Variants in MBD2 observed in about 807,000 individuals in gnomAD.
The protein encoded by MBD2 is methyl-CpG binding domain protein 2.
MBD2 carries 9 observed loss-of-function variants against 39.3 expected under a neutral mutation model. The ratio of observed to expected loss-of-function variants is 0.23; its 90% CI spans 0.14 to 0.40. The LOEUF (loss-of-function observed/expected upper bound fraction) is 0.40, where lower values mean the gene tolerates loss of function less well. Among genes scored for constraint, MBD2 ranks in the 10% least tolerant of loss-of-function variants. MBD2 has a pLI of 1.00. For synonymous variants in MBD2, 233 were observed against 211.1 expected (o/e 1.10, Z -0.90); for missense variants, 458 against 532.6 (o/e 0.86, Z 1.38).
At chr18:54,205,448 G>A (rs1003434903) in intron 1 of MBD2, among the ~76,000 whole-genome samples, 16 of 151,910 alleles carry the variant, frequency 1.1e-4, no homozygotes, top group African/African-American at 3.4e-4. Flanking sequence ...AAAATTAGCC[G>A]GGCATGGTGG....
intron 2 of MBD2, among the ~76,000 whole-genome samples, 158 bp from the exon 3 acceptor site, chr18:54,189,169 A>G (rs1257017343): frequency 6.6e-6 from 1 of 152,104 alleles, no homozygotes; most frequent in Admixed American, 6.5e-5. Context: ...TAAGCACCTA[A>G]TAAGTGAAAC....
chr18:54,224,199 C>T lies in MBD2; in HGVS notation c.361G>A (p.Ala121Thr), dbSNP rs1446637242. The T allele has an allele frequency of 8.3e-7, 1 of 1,202,836 alleles. No individual in the cohort carries two copies. Among genetic ancestry groups the T allele is most frequent in the East Asian group, 3.4e-5 (1 of 29,528 alleles). 74.5% of individuals were successfully genotyped at this position (1,202,836 alleles called of 1,614,324 possible). The change falls in exon 1 of 7, where the codon GCC (alanine) becomes ACC (threonine). Residue 121 changes from alanine to threonine, a missense_variant. Around this residue, in one of 2 missense-constraint regions of MBD2, gnomAD observed 269 missense variants for 236.0 expected, o/e 1.14. Transcript: ENST00000256429. Reference sequence around the variant, plus strand: ...AAAGGGACCGGCTCCCGCCGGGGGGCGCCGCCGCCACCGCTGCCGCCGCCG... The same window carrying T: ...AAAGGGACCGGCTCCCGCCGGGGGGTGCCGCCGCCACCGCTGCCGCCGCCG... ...CGGGGSGGGGAPRREPVPFPS... is the reference protein window; with the variant it reads ...CGGGGSGGGGTPRREPVPFPS...
intron 3 of MBD2, among the ~76,000 whole-genome samples, chr18:54,171,909 CA>C (rs1175211284): frequency 3.9e-5 from 6 of 152,204 alleles, no homozygotes; most frequent in Non-Finnish European, 7.4e-5. Context: ...AAACTCAGGT[CA>C]GTGTGATTAA....
At chr18:54,186,196 C>G (rs2086285431) in intron 3 of MBD2, among the ~76,000 whole-genome samples, 1 of 152,076 alleles carries the variant, frequency 6.6e-6, no homozygotes, top group Non-Finnish European at 1.5e-5. Flanking sequence ...ATATCACTAT[C>G]TTGAACATCT....
intron 1 of MBD2, among the ~76,000 whole-genome samples, chr18:54,219,115 G>A (rs540276554): frequency 8.5e-5 from 13 of 152,272 alleles, no homozygotes; most frequent in African/African-American, 2.6e-4. Flanking sequence ...TTACACAGTC[G>A]ATGAAATTCA....
chr18:54,187,867 T>C, intron 3 of MBD2: 1 of 985,652 alleles, frequency 1.0e-6, no homozygotes, highest in Non-Finnish European at 1.2e-6. Context: ...ACAGAGGATG[T>C]GGGAACTGAA....
intron 3 of MBD2, among the ~76,000 whole-genome samples, chr18:54,184,158 T>C (rs2086268391): frequency 6.6e-6 from 1 of 151,918 alleles, no homozygotes; most frequent in Non-Finnish European, 1.5e-5. Flanking sequence ...CTAATAATAC[T>C]CAAAGCTATA....
At chr18:54,170,351 T>C (rs953095882) in intron 3 of MBD2, among the ~76,000 whole-genome samples, 4 of 152,246 alleles carry the variant, frequency 2.6e-5, no homozygotes, top group African/African-American at 9.6e-5. Context: ...ACTTGGACTT[T>C]GAGGGATTTG....
chr18:54,208,293 G>A (rs970800339), intron 1 of MBD2, among the ~76,000 whole-genome samples: 10 of 152,064 alleles, frequency 6.6e-5, no homozygotes, highest in African/African-American at 1.9e-4. Flanking sequence ...GGGAGTTTGC[G>A]ACCAGCCTGA....
At chr18:54,159,982 T>C (rs2086083926) in intron 5 of MBD2, 79 bp from the exon 6 acceptor site, 2 of 1,442,930 alleles carry the variant, frequency 1.4e-6, no homozygotes, top group African/African-American at 1.4e-5. Context: ...AGTTCATCCT[T>C]ACTTCAAAAT....
intron 6 of MBD2, among the ~76,000 whole-genome samples, chr18:54,158,027 C>T (rs1179106868): frequency 6.6e-6 from 1 of 152,212 alleles, no homozygotes; most frequent in Admixed American, 6.5e-5. Context: ...TACTCCAATC[C>T]TTGTATTCAT....
At position 54,224,454 on chromosome 18, in the gene MBD2, C is replaced by T. The variant is rs1213816391; in HGVS notation, c.106G>A (p.Gly36Ser). 10 of 1,234,198 alleles carry T rather than the reference C, an allele frequency of 8.1e-6. No individual in the cohort carries two copies. Among genetic ancestry groups the T allele is most frequent in the Non-Finnish European group, 1.0e-5 (10 of 991,074 alleles). The allele number at this position is 1,234,198 out of a possible 1,614,324, so 76.5% of individuals were successfully genotyped here. Residue 36 changes from glycine (G) to serine (S), a missense_variant, in exon 1 of 7, where the codon GGC (glycine) becomes AGC (serine). This residue lies in a region of MBD2 where 269 missense variants were observed against 236.0 expected (regional missense o/e 1.14). Coordinates refer to ENST00000256429, the MANE Select transcript of MBD2 (RefSeq NM_003927.5). ...AGGDSAIEQGGQGSALAPSPV... is the reference protein window; with the variant it reads ...AGGDSAIEQGSQGSALAPSPV... ...GACGGGGCGAGCGCGCTGCCCTGGC[C>T]CCCCTGCTCTATGGCGGAGTCGCCG...
intron 1 of MBD2, among the ~76,000 whole-genome samples, chr18:54,212,653 T>TA (rs1249137175): frequency 6.6e-6 from 1 of 150,864 alleles, no homozygotes; most frequent in Non-Finnish European, 1.5e-5. Flanking sequence ...AAACATTAAG[T>TA]ATGCTAGCTG....
chr18:54,187,196 T>G (rs536814665), intron 3 of MBD2, among the ~76,000 whole-genome samples: 4 of 152,286 alleles, frequency 2.6e-5, no homozygotes, highest in African/African-American at 9.6e-5. Flanking sequence ...CAGACTACAT[T>G]GAGAATGATT....
At chr18:54,192,666 T>C (rs1432943740) in intron 2 of MBD2, among the ~76,000 whole-genome samples, 1 of 152,210 alleles carries the variant, frequency 6.6e-6, no homozygotes, top group African/African-American at 2.4e-5. Flanking sequence ...GAGATTCTCA[T>C]TGTTACCAAG....
At chr18:54,161,072 T>C (rs1053911982) in intron 5 of MBD2, among the ~76,000 whole-genome samples, 1 of 152,266 alleles carries the variant, frequency 6.6e-6, no homozygotes, top group East Asian at 1.9e-4. Context: ...AGCAATGCTA[T>C]AGAAGATTGC....
At chr18:54,169,694 C>T (rs536824417) in intron 3 of MBD2, among the ~76,000 whole-genome samples, 3 of 152,368 alleles carry the variant, frequency 2.0e-5, no homozygotes, top group South Asian at 4.1e-4. Flanking sequence ...TCCTAAACTA[C>T]TCACTGAAAA....
At chr18:54,221,136 G>C (rs892977988) in intron 1 of MBD2, among the ~76,000 whole-genome samples, 1 of 152,176 alleles carries the variant, frequency 6.6e-6, no homozygotes, top group African/African-American at 2.4e-5. Flanking sequence ...GCCTTAAGAT[G>C]AATTTGTTTA....
At chr18:54,164,412 CT>C in intron 5 of MBD2, 110 bp downstream of exon 5, 1 of 924,074 alleles carries the variant, frequency 1.1e-6, no homozygotes, top group Non-Finnish European at 1.6e-6. Context: ...AAAAGTATAA[CT>C]TTCTAGGTGA....
Sources: gnomAD v4.1 joint callset for allele counts (sites outside exome capture counted in the v4.1 genomes callset) on GRCh38, gnomAD v4.1.1 for gene constraint, gnomAD v4.1.1 regional missense constraint, MANE v1.5 for transcripts, NCBI Gene and HGNC (gene_info 2026-07-23, HGNC 2026-07-21) for gene names.